NETO2: variants seen among roughly 807,000 people sequenced by gnomAD.
NETO2 encodes neuropilin and tolloid-like protein 2.
Under a neutral mutation model 62.5 loss-of-function variants are expected in NETO2, and 28 were observed. The observed-to-expected ratio is 0.45, with a 90% confidence interval of 0.33 to 0.61. The LOEUF is 0.61. Among genes scored for constraint, NETO2 ranks in the 20% least tolerant of loss-of-function variants. NETO2 has a pLI of 0.02. For missense variants in NETO2, 548 were observed against 643.2 expected (o/e 0.85, Z 1.60); for synonymous variants, 214 against 219.1 (o/e 0.98, Z 0.21).
intron 7 of NETO2, among the ~76,000 whole-genome samples, chr16:47,092,706 G>C (rs1963338365): frequency 6.6e-6 from 1 of 152,190 alleles, no homozygotes; most frequent in African/African-American, 2.4e-5. Flanking sequence ...AGTTTGAAAA[G>C]TTCTCAAATT....
In NETO2 at chr16:47,128,357, A is replaced by T. The variant is rs1271107640; in HGVS notation, c.449T>A (p.Leu150Gln). 1 of 1,613,716 alleles carries T rather than the reference A, an allele frequency of 6.2e-7. No individual in the cohort carries two copies. The highest frequency in any genetic ancestry group is 8.5e-7 in the Non-Finnish European group (1 of 1,179,870). ...AAATGAATATTTTGCTCGAAATCCC[A>T]GTCCTTCAAGCTCTTCATCAGAACT... ...KFSSDEELEG[L>Q]GFRAKYSFIP... Residue 150 changes from leucine (L) to glutamine (Q), a missense_variant, in exon 4 of 9, where the codon CTG becomes CAG. Coordinates refer to ENST00000562435, the MANE Select transcript of NETO2 (RefSeq NM_018092.5).
intron 7 of NETO2, among the ~76,000 whole-genome samples, chr16:47,102,419 AAAAGCC>A (rs1197047229): frequency 1.3e-5 from 2 of 152,196 alleles, no homozygotes; most frequent in African/African-American, 4.8e-5. Context: ...CAATGGCAAC[AAAAGCC>A]AAAATTGACA....
At chr16:47,143,239 G>A (rs1323870998) in intron 1 of NETO2, among the ~76,000 whole-genome samples, 1 of 152,080 alleles carries the variant, frequency 6.6e-6, no homozygotes, top group Admixed American at 6.5e-5. Flanking sequence ...TTTGCAAAGG[G>A]ATGCGCGGAA....
At chr16:47,097,179 C>T (rs1370527652) in intron 7 of NETO2, among the ~76,000 whole-genome samples, 1 of 152,172 alleles carries the variant, frequency 6.6e-6, no homozygotes, top group Non-Finnish European at 1.5e-5. Flanking sequence ...CAGAACTGTT[C>T]ATTCCCCTGG....
intron 6 of NETO2, among the ~76,000 whole-genome samples, chr16:47,115,322 A>G (rs1963888743): frequency 7.5e-6 from 1 of 132,546 alleles, no homozygotes; most frequent in Non-Finnish European, 1.7e-5. Flanking sequence ...TCATTTTCAT[A>G]AGAACTGACA....
In NETO2 at chr16:47,080,563, A is replaced by T. The variant is rs1242353428; in HGVS notation, c.*2658T>A. 1 of 152,264 alleles carries T rather than the reference A, an allele frequency of 6.6e-6. No individual in the cohort carries two copies. The highest frequency in any genetic ancestry group is 1.5e-5 in the Non-Finnish European group (1 of 68,052). The allele number at this position is 152,264 out of a possible 1,614,324, so 9.4% of individuals were successfully genotyped here. A position where few individuals can be genotyped will look rare whatever the true frequency, so the allele number is the denominator to read the frequency against. ...CTGGCAATAATGCCTAAGATTTATT[A>T]GTTCCATTCTTACCTCTTCCAAAAG... On this transcript the variant is annotated 3_prime_UTR_variant, in exon 9 of 9. Coordinates refer to ENST00000562435, the MANE Select transcript of NETO2 (RefSeq NM_018092.5).
chr16:47,098,397 C>CT (rs1963472864), intron 7 of NETO2, among the ~76,000 whole-genome samples: 2 of 152,000 alleles, frequency 1.3e-5, no homozygotes, highest in Non-Finnish European at 2.9e-5. Flanking sequence ...GTATCAACAG[C>CT]TGAATGGATC....
intron 7 of NETO2, among the ~76,000 whole-genome samples, chr16:47,107,713 C>T (rs1963704194): frequency 6.6e-6 from 1 of 152,148 alleles, no homozygotes; most frequent in Admixed American, 6.6e-5. Context: ...AGGAGGCAAA[C>T]TGAAGGAGCT....
intron 4 of NETO2, among the ~76,000 whole-genome samples, chr16:47,123,639 G>C (rs1964089780): frequency 6.6e-6 from 1 of 152,110 alleles, no homozygotes; most frequent in African/African-American, 2.4e-5. Context: ...ATACCTAACA[G>C]CCAGAATAAA....
At chr16:47,112,274 T>A (rs1277793120) in intron 6 of NETO2, among the ~76,000 whole-genome samples, 1 of 152,192 alleles carries the variant, frequency 6.6e-6, no homozygotes, top group Non-Finnish European at 1.5e-5. Context: ...AACTAGTTTC[T>A]CACATTTAGT....
Position 47,082,045 on chromosome 16 carries a change from T to C in NETO2, c.*1176A>G, listed in dbSNP as rs1262119917. The C allele has an allele frequency of 6.6e-6, 1 of 152,658 alleles. No individual in the cohort carries two copies. Among genetic ancestry groups the C allele is most frequent in the Non-Finnish European group, 1.5e-5 (1 of 68,034 alleles). 9.5% of individuals were successfully genotyped at this position (152,658 alleles called of 1,614,324 possible). A position where few individuals can be genotyped will look rare whatever the true frequency, so the allele number is the denominator to read the frequency against. Reference sequence around the variant, plus strand: ...TTTCATCTTGATTTAATAAAGTTTGTACAGTATCAAATAATATCAAAAGTC... The same window carrying C: ...TTTCATCTTGATTTAATAAAGTTTGCACAGTATCAAATAATATCAAAAGTC... On this transcript the variant is annotated 3_prime_UTR_variant, in exon 9 of 9. Coordinates refer to ENST00000562435, the MANE Select transcript of NETO2 (RefSeq NM_018092.5).
rs760354304 is a variant in NETO2 at position 47,116,402 on chromosome 16, T to C, written c.654+6255A>G. Reference sequence around the variant, plus strand: ...GAATTTTAACAAATGGAGACAATCATAGTTTTCTTTAGTCTTTATGGTGAA... The same window carrying C: ...GAATTTTAACAAATGGAGACAATCACAGTTTTCTTTAGTCTTTATGGTGAA... On this transcript the variant is annotated intron_variant, in intron 6 of 8. Coordinates refer to ENST00000562435, the MANE Select transcript of NETO2 (RefSeq NM_018092.5). Among the ~76,000 whole-genome samples, 6 of 152,290 alleles carry C rather than the reference T, an allele frequency of 3.9e-5. No individual in the cohort carries two copies. In the South Asian group the frequency reaches 1.2e-3, roughly 32 times the overall value.
At position 47,133,560 on chromosome 16, in the gene NETO2, A is replaced by G. The variant is rs973570323; in HGVS notation, c.35-1535T>C. On this transcript the variant is annotated intron_variant, in intron 1 of 8. Transcript: ENST00000562435. ...GGCGAAAGAGTGAGACCATGCCTCA[A>G]TAACATAAAGTAACATAAAATAACA... is the stretch of plus-strand genomic sequence containing the variant. 2.0e-5 allele frequency among the ~76,000 whole-genome samples: 3 copies of G among 151,786 alleles called. No homozygotes were observed. The East Asian group carries it at 5.8e-4, about 29-fold the overall frequency.
intron 8 of NETO2, 111 bp from the exon 9 acceptor site, chr16:47,083,912 T>C (rs1367632940): frequency 1.4e-6 from 1 of 720,916 alleles, no homozygotes; most frequent in Non-Finnish European, 2.2e-6. Flanking sequence ...CCAAATATAC[T>C]ACAGACAATG....
At position 47,078,468 on chromosome 16, in the gene NETO2, A is replaced by C. The variant is rs1465412544; in HGVS notation, c.*4753T>G. The C allele has an allele frequency of 6.6e-6, 1 of 152,232 alleles. No individual in the cohort carries two copies. Among genetic ancestry groups the C allele is most frequent in the East Asian group, 1.9e-4 (1 of 5,204 alleles). The allele number at this position is 152,232 out of a possible 1,614,324, so 9.4% of individuals were successfully genotyped here. On this transcript the variant is annotated 3_prime_UTR_variant, in exon 9 of 9. Coordinates refer to ENST00000562435, the MANE Select transcript of NETO2 (RefSeq NM_018092.5). ...TTACACTAGACAGTGCATACTAAAC[A>C]TGCACCCTAGTCATTAGCTTTTTAG...
At chr16:47,123,281 T>C (rs889752226) in intron 4 of NETO2, among the ~76,000 whole-genome samples, 1 of 152,184 alleles carries the variant, frequency 6.6e-6, no homozygotes, top group Non-Finnish European at 1.5e-5. Context: ...TCGGCTTAAA[T>C]GGATGGTGGT....
intron 7 of NETO2, among the ~76,000 whole-genome samples, chr16:47,105,984 T>C (rs1963664823): frequency 1.3e-5 from 2 of 152,244 alleles, no homozygotes; most frequent in Admixed American, 6.5e-5. Flanking sequence ...GTACTCATCA[T>C]AGCTCAAAGG....
At position 47,082,580 on chromosome 16, in the gene NETO2, A is replaced by G. The variant is rs1043045861; in HGVS notation, c.*641T>C. 1 of 152,240 alleles carries G rather than the reference A, an allele frequency of 6.6e-6. No individual in the cohort carries two copies. Among genetic ancestry groups the G allele is most frequent in the Non-Finnish European group, 1.5e-5 (1 of 68,046 alleles). 9.4% of individuals were successfully genotyped at this position (152,240 alleles called of 1,614,324 possible). A position where few individuals can be genotyped will look rare whatever the true frequency, so the allele number is the denominator to read the frequency against. ...TATCATCTATTATTTCTCACAGAAA[A>G]TAAGGAATAAGGGCCCAGTAATTAA... On this transcript the variant is annotated 3_prime_UTR_variant, in exon 9 of 9. Transcript: ENST00000562435.
chr16:47,122,046 CCT>C (rs1964049813), intron 6 of NETO2, among the ~76,000 whole-genome samples: 1 of 152,130 alleles, frequency 6.6e-6, no homozygotes, highest in Non-Finnish European at 1.5e-5. Flanking sequence ...TCCTCTTTTC[CCT>C]CTTTTTACAT....
Sources: gnomAD v4.1 joint callset for allele counts (sites outside exome capture counted in the v4.1 genomes callset) on GRCh38, gnomAD v4.1.1 for gene constraint, MANE v1.5 for transcripts, NCBI Gene and HGNC (gene_info 2026-07-23, HGNC 2026-07-21) for gene names.